Variants in GDAP1 observed in about 807,000 individuals in gnomAD.
GDAP1 encodes ganglioside induced differentiation associated protein 1.
Under a neutral mutation model 40.1 loss-of-function variants are expected in GDAP1, and 34 were observed. The ratio of observed to expected loss-of-function variants is 0.85; its 90% CI spans 0.64 to 1.13. The LOEUF is 1.13. Among genes scored for constraint, GDAP1 ranks in the 50% most tolerant of loss-of-function variants. The pLI is 0.00. For missense variants in GDAP1, 374 were observed against 433.7 expected (o/e 0.86, Z 1.22); for synonymous variants, 170 against 157.4 (o/e 1.08, Z -0.60).
At chr8:74,387,558 T>G (rs1810043734) in intron 2 of GDAP1, among the ~76,000 whole-genome samples, 1 of 152,260 alleles carries the variant, frequency 6.6e-6, no homozygotes, top group African/African-American at 2.4e-5. Context: ...ATAAGCTTTC[T>G]GATGTACTGC....
intron 2 of GDAP1, among the ~76,000 whole-genome samples, chr8:74,395,940 A>C (rs1266708135): frequency 6.6e-6 from 1 of 152,248 alleles, no homozygotes; most frequent in Non-Finnish European, 1.5e-5. Context: ...GTAACAACAT[A>C]TTAACGTACG....
downstream of GDAP1, among the ~76,000 whole-genome samples, chr8:74,367,617 A>G (rs902972435): frequency 1.3e-5 from 2 of 152,230 alleles, no homozygotes; most frequent in Non-Finnish European, 2.9e-5. Context: ...TATGCCAACT[A>G]TTGGCCCATT....
chr8:74,459,205 A>G (rs1806371463), intron 2 of GDAP1, among the ~76,000 whole-genome samples: 1 of 152,196 alleles, frequency 6.6e-6, no homozygotes, highest in Non-Finnish European at 1.5e-5. Context: ...GCAGAGAAGT[A>G]CCAGAAATAA....
In GDAP1 at chr8:74,465,234, T is replaced by A. The variant is rs562415904; in HGVS notation, c.166-23444T>A. 1.8e-3 allele frequency among the ~76,000 whole-genome samples: 272 copies of A among 151,692 alleles called. 1 individual carries two copies. Among genetic ancestry groups the A allele is most frequent in the African/African-American group, 5.3e-3 (221 of 41,312 alleles). On this transcript the variant is annotated intron_variant, in intron 2 of 2. Coordinates refer to the GDAP1 transcript ENST00000523640. Reference sequence around the variant, plus strand: ...AGACTCCTCTCCAAAAATAAATAAATAAAAATAAAAAAAAATAAACCTAAG... The same window carrying A: ...AGACTCCTCTCCAAAAATAAATAAAAAAAAATAAAAAAAAATAAACCTAAG...
At chr8:74,377,490 G>A (rs1809875583) in intron 2 of GDAP1, among the ~76,000 whole-genome samples, 1 of 152,098 alleles carries the variant, frequency 6.6e-6, no homozygotes. Flanking sequence ...GATTCAGTTG[G>A]AAATCAAATA....
chr8:74,388,096 T>C (rs1290548222), intron 2 of GDAP1, among the ~76,000 whole-genome samples: 3 of 152,202 alleles, frequency 2.0e-5, no homozygotes, highest in Admixed American at 2.0e-4. Context: ...TAGCAGTCTA[T>C]CTATTTTGTT....
chr8:74,403,036 T>G (rs1805581014), intron 2 of GDAP1, among the ~76,000 whole-genome samples: 1 of 150,136 alleles, frequency 6.7e-6, no homozygotes, highest in Non-Finnish European at 1.5e-5. Context: ...AGTTCTATAA[T>G]ATAAAAATGG....
chr8:74,442,403 T>C (rs1336847422), intron 2 of GDAP1, among the ~76,000 whole-genome samples: 2 of 152,248 alleles, frequency 1.3e-5, no homozygotes, highest in African/African-American at 4.8e-5. Flanking sequence ...TAGCCTGATA[T>C]TGAACTTCCG....
rs1001709502 is a variant in GDAP1 at position 74,365,874 on chromosome 8, A to G, written c.*1507A>G. 2 of 454,266 alleles carry G rather than the reference A, an allele frequency of 4.4e-6. No homozygotes were observed. Among genetic ancestry groups the G allele is most frequent in the Non-Finnish European group, 8.8e-6 (2 of 226,798 alleles). 28.1% of individuals were successfully genotyped at this position (454,266 alleles called of 1,614,324 possible). A position where few individuals can be genotyped will look rare whatever the true frequency, so the allele number is the denominator to read the frequency against. On this transcript the variant is annotated 3_prime_UTR_variant, in exon 6 of 6. Coordinates refer to ENST00000220822, the MANE Select transcript of GDAP1 (RefSeq NM_018972.4). The stretch of plus-strand genomic sequence containing the variant: ...TTATAACATTTAAAATTTGCACATG[A>G]GTGTGTTGTCATATGGAGTGTCTGA...
downstream of GDAP1, among the ~76,000 whole-genome samples, chr8:74,369,525 AAC>A (rs1384926790): frequency 6.6e-6 from 1 of 152,138 alleles, no homozygotes; most frequent in Non-Finnish European, 1.5e-5. Flanking sequence ...AAGATAAAGA[AAC>A]ACAGCCTCAG....
chr8:74,433,806 G>T (rs1279087241), intron 2 of GDAP1, among the ~76,000 whole-genome samples: 1 of 152,156 alleles, frequency 6.6e-6, no homozygotes. Context: ...GTATGGTAAA[G>T]GTCAGCCACA....
In GDAP1 at chr8:74,452,095, G is replaced by A. The variant is rs1488506547; in HGVS notation, c.166-36583G>A. On this transcript the variant is annotated intron_variant, in intron 2 of 2. Coordinates refer to the GDAP1 transcript ENST00000523640. ...CTCCCAAGTAGCTGGGACTACAGGC[G>A]CCCGCCACCACACCCGGCTAATTTT... is the stretch of plus-strand genomic sequence containing the variant. 7.5e-5 allele frequency among the ~76,000 whole-genome samples: 6 copies of A among 80,442 alleles called. 3 individuals are homozygous for A. Among genetic ancestry groups the A allele is most frequent in the Non-Finnish European group, 1.5e-4 (6 of 40,250 alleles). The allele number at this position is 80,442 out of a possible 152,430, so 52.8% of individuals were successfully genotyped here.
chr8:74,396,481 A>G (rs1233522705), intron 2 of GDAP1, among the ~76,000 whole-genome samples: 2 of 151,912 alleles, frequency 1.3e-5, no homozygotes, highest in Non-Finnish European at 2.9e-5. Context: ...CATTAGGTAT[A>G]TCTCCTAATG....
chr8:74,483,800 C>T (rs1422703521), intron 2 of GDAP1, among the ~76,000 whole-genome samples: 2 of 152,184 alleles, frequency 1.3e-5, no homozygotes, highest in East Asian at 3.9e-4. Flanking sequence ...GGAGGGCTAA[C>T]TCTTGCCTTT....
chr8:74,445,221 T>A (rs1806212840), intron 2 of GDAP1, among the ~76,000 whole-genome samples: 1 of 152,180 alleles, frequency 6.6e-6, no homozygotes, highest in African/African-American at 2.4e-5. Context: ...TTCTAAAATC[T>A]GAAGAAGAAA....
At chr8:74,432,549 A>G (rs985003555) in intron 2 of GDAP1, among the ~76,000 whole-genome samples, 3 of 152,178 alleles carry the variant, frequency 2.0e-5, no homozygotes, top group African/African-American at 7.2e-5. Context: ...CTCTGCCTGT[A>G]TCCCTATCAT....
rs1809903328 is a variant in GDAP1, at chr8:74,378,874, C to T, written c.165+27553C>T. Among the ~76,000 whole-genome samples, 4 of 152,172 alleles carry T rather than the reference C, an allele frequency of 2.6e-5. No homozygotes were observed. The South Asian group carries it at 6.2e-4, about 24-fold the overall frequency. ...GTGAGTTTACAGGAGTACATACTAG[C>T]AGCATGATCTACCCTTGACAGGAAA... On this transcript the variant is annotated intron_variant, in intron 2 of 2. Coordinates refer to the GDAP1 transcript ENST00000523640.
chr8:74,375,609 T>C (rs1336315974), intron 2 of GDAP1, among the ~76,000 whole-genome samples: 1 of 152,162 alleles, frequency 6.6e-6, no homozygotes, highest in South Asian at 2.1e-4. Flanking sequence ...ACATTCAGGA[T>C]ACTAGAAATA....
In GDAP1 at chr8:74,413,065, C is replaced by CA. The variant is rs71269990; in HGVS notation, c.165+61767dup. ...CTGGCGATAAAGCGAGACTCTGTCTCAAAAAAAAAAAAAAAAAAAAAAAGA... is the reference window on the plus strand; with the variant it reads ...CTGGCGATAAAGCGAGACTCTGTCTCAAAAAAAAAAAAAAAAAAAAAAAAGA... On this transcript the variant is annotated intron_variant, in intron 2 of 2. Coordinates refer to the GDAP1 transcript ENST00000523640. Among the ~76,000 whole-genome samples, 21 of 57,150 alleles carry CA rather than the reference C, an allele frequency of 3.7e-4. 4 individuals are homozygous for CA. Among genetic ancestry groups the CA allele is most frequent in the Non-Finnish European group, 5.1e-4 (19 of 37,100 alleles). 37.5% of individuals were successfully genotyped at this position (57,150 alleles called of 152,430 possible).
Sources: allele counts gnomAD v4.1 joint callset (sites outside exome capture counted in the v4.1 genomes callset), GRCh38; gene constraint gnomAD v4.1.1; transcripts MANE v1.5; gene names NCBI Gene and HGNC (gene_info 2026-07-23, HGNC 2026-07-21).